GRB2: variants seen among roughly 807,000 people sequenced by gnomAD.
GRB2 encodes growth factor receptor-bound protein 2.
GRB2 carries 2 observed loss-of-function variants against 27.4 expected under a neutral mutation model. That is an observed-to-expected ratio of 0.07 (90% CI 0.03 to 0.23). The LOEUF is 0.23. Ranked by LOEUF, GRB2 falls within the 10% of genes least tolerant of loss-of-function variation. GRB2 has a pLI of 1.00. For synonymous variants in GRB2, 94 were observed against 99.6 expected (o/e 0.94, Z 0.33); for missense variants, 102 against 282.4 (o/e 0.36, Z 4.58).
chr17:75,395,876 A>G (rs2079026178), intron 1 of GRB2, among the ~76,000 whole-genome samples: 1 of 151,512 alleles, frequency 6.6e-6, no homozygotes, highest in Non-Finnish European at 1.5e-5. Flanking sequence ...AGAGTTCTCT[A>G]AGATTGCCCA....
chr17:75,328,762 C>A (rs1421693396), intron 3 of GRB2, among the ~76,000 whole-genome samples: 1 of 151,984 alleles, frequency 6.6e-6, no homozygotes, highest in Non-Finnish European at 1.5e-5. Context: ...CACGGTGAAA[C>A]CCTGTCTTTA....
intron 1 of GRB2, among the ~76,000 whole-genome samples, chr17:75,399,431 G>A (rs1214592945): frequency 3.7e-5 from 5 of 136,748 alleles, no homozygotes; most frequent in Admixed American, 7.8e-5. Context: ...GCAGTGGCAC[G>A]ATCTTGGCTC....
At chr17:75,337,892 C>CTAT (rs1439039316) in intron 2 of GRB2, among the ~76,000 whole-genome samples, 259 of 127,604 alleles carry the variant, frequency 2.0e-3, no homozygotes, top group African/African-American at 7.4e-3. Context: ...ACTACTACTA[C>CTAT]TACTACTACT....
At chr17:75,358,838 T>C (rs1376096987) in intron 2 of GRB2, among the ~76,000 whole-genome samples, 1 of 138,752 alleles carries the variant, frequency 7.2e-6, no homozygotes, top group African/African-American at 2.7e-5. Flanking sequence ...GAGCTGAGAT[T>C]GTGCCACTGC....
chr17:75,345,036 A>T (rs543979091), intron 2 of GRB2, among the ~76,000 whole-genome samples: 100 of 151,466 alleles, frequency 6.6e-4, no homozygotes, highest in African/African-American at 2.4e-3. Flanking sequence ...GTTTTTTTTT[A>T]AATTTTATTT....
intron 2 of GRB2, among the ~76,000 whole-genome samples, chr17:75,336,388 C>G (rs1483668229): frequency 6.6e-6 from 1 of 152,168 alleles, no homozygotes; most frequent in South Asian, 2.1e-4. Flanking sequence ...GAGAGTCAGA[C>G]TGACAAAGAG....
At chr17:75,342,148 A>C (rs532370185) in intron 2 of GRB2, among the ~76,000 whole-genome samples, 1 of 152,254 alleles carries the variant, frequency 6.6e-6, no homozygotes, top group South Asian at 2.1e-4. Context: ...ATCTTATAGT[A>C]TTTAATGGAG....
intron 3 of GRB2, 36 bp downstream of exon 3, chr17:75,332,664 G>C (rs1410280320): frequency 7.3e-6 from 9 of 1,231,564 alleles, no homozygotes; most frequent in Non-Finnish European, 9.6e-6. Context: ...AAGGAGGTGG[G>C]TCCAACCCTT....
intron 2 of GRB2, among the ~76,000 whole-genome samples, chr17:75,365,670 G>T (rs1279042004): frequency 6.6e-6 from 1 of 151,604 alleles, no homozygotes; most frequent in African/African-American, 2.4e-5. Flanking sequence ...AAGTACAATG[G>T]AACTATGGGG....
chr17:75,364,466 C>G (rs1040465254), intron 2 of GRB2, among the ~76,000 whole-genome samples: 3 of 152,074 alleles, frequency 2.0e-5, no homozygotes, highest in Non-Finnish European at 4.4e-5. Context: ...CTAAGGTCCA[C>G]CCAGAAAAAC....
intron 2 of GRB2, among the ~76,000 whole-genome samples, chr17:75,387,161 T>G (rs1314965696): frequency 6.7e-6 from 1 of 150,122 alleles, no homozygotes; most frequent in South Asian, 2.1e-4. Context: ...CGAGACTCCA[T>G]CTCAAAAAAA....
rs554069019 is a variant in GRB2, at chr17:75,371,722, A to G, written c.78+21829T>C. 3.3e-5 allele frequency: 5 copies of G among 151,936 alleles called. No individual in the cohort carries two copies. In the South Asian group the frequency reaches 8.3e-4, roughly 25 times the overall value. 9.4% of individuals were successfully genotyped at this position (151,936 alleles called of 1,614,324 possible). Reference sequence around the variant, plus strand: ...GCTAAAGGTTACACCACACAAAAGGAACAACATGACTGAAGACCAGAAATA... The same window carrying G: ...GCTAAAGGTTACACCACACAAAAGGGACAACATGACTGAAGACCAGAAATA... On this transcript the variant is annotated intron_variant, in intron 2 of 5. Coordinates refer to ENST00000316804, the MANE Select transcript of GRB2 (RefSeq NM_002086.5).
In GRB2 at chr17:75,370,428, G is replaced by A. The variant is rs576771711; in HGVS notation, c.78+23123C>T. Among the ~76,000 whole-genome samples, 3 of 152,266 alleles carry A rather than the reference G, an allele frequency of 2.0e-5. No homozygotes were observed. In the East Asian group the frequency reaches 5.8e-4, roughly 29 times the overall value. On this transcript the variant is annotated intron_variant, in intron 2 of 5. Coordinates refer to ENST00000316804, the MANE Select transcript of GRB2 (RefSeq NM_002086.5). ...CCTTCTGACTTCAATATCTTGTTCG[G>A]TTTGGATACCTTCCAGGCTGGTACA...
At chr17:75,351,049 G>A (rs2078689364) in intron 2 of GRB2, among the ~76,000 whole-genome samples, 1 of 151,916 alleles carries the variant, frequency 6.6e-6, no homozygotes, top group East Asian at 1.9e-4. Context: ...CTTGTGTGTG[G>A]CACACGGCTC....
chr17:75,384,847 C>T (rs1052083973), intron 2 of GRB2, among the ~76,000 whole-genome samples: 1 of 151,482 alleles, frequency 6.6e-6, no homozygotes, highest in African/African-American at 2.4e-5. Flanking sequence ...GAAAAGACAG[C>T]AATTTTTCCT....
intron 4 of GRB2, among the ~76,000 whole-genome samples, chr17:75,323,806 CTT>C (rs398031609): frequency 4.1e-5 from 6 of 144,708 alleles, no homozygotes; most frequent in African/African-American, 1.3e-4. Context: ...TTTTTCTTTT[CTT>C]TTTTTTTTTT....
chr17:75,380,390 T>C (rs2078920629), intron 2 of GRB2, among the ~76,000 whole-genome samples: 2 of 150,902 alleles, frequency 1.3e-5, no homozygotes, highest in Admixed American at 1.3e-4. Flanking sequence ...ATATAGAAAG[T>C]TAAAGTTCTC....
chr17:75,343,541 T>G (rs1356555777), intron 2 of GRB2, among the ~76,000 whole-genome samples: 2 of 152,206 alleles, frequency 1.3e-5, no homozygotes, highest in African/African-American at 4.8e-5. Context: ...AACTAGGATA[T>G]GCTCATCAAC....
At chr17:75,376,344 C>CAAAA (rs71159502) in intron 2 of GRB2, among the ~76,000 whole-genome samples, 1,986 of 73,190 alleles carry the variant, frequency 0.027, 70 homozygotes, top group South Asian at 0.044. Flanking sequence ...GACTCTGTCT[C>CAAAA]AAAAAAAAAA....
Sources: gnomAD v4.1 joint callset for allele counts (sites outside exome capture counted in the v4.1 genomes callset) on GRCh38, gnomAD v4.1.1 for gene constraint, MANE v1.5 for transcripts, NCBI Gene and HGNC (gene_info 2026-07-23, HGNC 2026-07-21) for gene names.